Variants in FMNL3 observed in about 807,000 individuals in gnomAD.
FMNL3 encodes the protein formin-like protein 3.
FMNL3 carries 57 observed loss-of-function variants against 119.6 expected under a neutral mutation model. The ratio of observed to expected loss-of-function variants is 0.48; its 90% CI spans 0.39 to 0.59. The LOEUF is 0.59. Among genes scored for constraint, FMNL3 ranks in the 20% least tolerant of loss-of-function variants. FMNL3 has a pLI of 0.00. For missense variants in FMNL3, 1,053 were observed against 1,323.5 expected (o/e 0.80, Z 3.17); for synonymous variants, 491 against 507.3 (o/e 0.97, Z 0.43).
intron 1 of FMNL3, among the ~76,000 whole-genome samples, chr12:49,705,181 G>A (rs1945014624): frequency 6.6e-6 from 1 of 152,134 alleles, no homozygotes; most frequent in Non-Finnish European, 1.5e-5. Flanking sequence ...TTCATCAGCA[G>A]CAGCTCAGGC....
chr12:49,654,981 A>C lies in FMNL3; in HGVS notation c.889T>G (p.Cys297Gly). The part of the protein sequence containing the change: ...LAAFDNFKEV[C>G]KELHRFEKLM... ...TTCTCAAAGCGGTGCAGCTCCTTGC[A>C]TACCTGAATGAGCAAACTTTCTCAG... is the stretch of plus-strand genomic sequence containing the variant. Residue 297 changes from cysteine (C) to glycine (G), a missense_variant, in exon 10 of 26, where the codon TGC becomes GGC. Physicochemically the swap from Cys to Gly is radical, Grantham distance 159. Around this residue, in one of 4 missense-constraint regions of FMNL3, gnomAD observed 445 missense variants for 628.4 expected, o/e 0.71. Transcript: ENST00000335154. The C allele has an allele frequency of 6.2e-7, 1 of 1,613,998 alleles. No individual in the cohort carries two copies. Among genetic ancestry groups the C allele is most frequent in the Admixed American group, 1.7e-5 (1 of 60,018 alleles).
chr12:49,651,860 G>A, intron 14 of FMNL3, 73 bp downstream of exon 14: 1 of 1,462,178 alleles, frequency 6.8e-7, no homozygotes, highest in Non-Finnish European at 9.1e-7. Flanking sequence ...CCCTGAGGAA[G>A]ACACTGCTGA....
At position 49,647,232 on chromosome 12, in the gene FMNL3, T is replaced by G; in HGVS notation, c.2871+44A>C. On this transcript the variant is annotated intron_variant, in intron 24 of 25. Transcript: ENST00000335154. This position sits in a 1 kb window ranked among gnomAD's most constrained non-coding sequence, Gnocchi z 4.9. ...CCTTCTGACCCCCAGCCCCCACTCT[T>G]TTGCCTTGTCGTCCTCCAGGCCCCA... 1 of 1,608,616 alleles carries G rather than the reference T, an allele frequency of 6.2e-7. No individual in the cohort carries two copies. The highest frequency in any genetic ancestry group is 1.1e-5 in the South Asian group (1 of 90,936).
rs747084955 is a variant in FMNL3 at position 49,653,280 on chromosome 12, C to T, written c.1269G>A (p.Val423=). 4 of 1,614,008 alleles carry T rather than the reference C, an allele frequency of 2.5e-6. No individual in the cohort carries two copies. The African/African-American group carries it at 4.0e-5, about 16-fold the overall frequency. Residue 423 remains valine (V), a synonymous_variant, in exon 13 of 26, where the codon GTG becomes GTA. Transcript: ENST00000335154. ...LDLENENMMR[V]AELEKQLLQR... ...GTAGCAGCTGCTTCTCTAGTTCTGC[C>T]ACCCGCATCATGTTTTCATTCTCTA... is the stretch of plus-strand genomic sequence containing the variant.
chr12:49,672,684 C>T (rs1944078332), intron 1 of FMNL3, among the ~76,000 whole-genome samples: 1 of 152,220 alleles, frequency 6.6e-6, no homozygotes, highest in Admixed American at 6.5e-5. Context: ...TTCCCTTTCC[C>T]ACTCTGCACC....
intron 12 of FMNL3, 137 bp downstream of exon 12, chr12:49,653,588 A>T: frequency 7.9e-7 from 1 of 1,268,288 alleles, no homozygotes; most frequent in Non-Finnish European, 1.1e-6. Context: ...CTCAGGCCTG[A>T]GTATGCTCTT....
chr12:49,641,493 C>G lies in FMNL3; in HGVS notation c.*4322G>C, dbSNP rs1942642739. 1 of 179,940 alleles carries G rather than the reference C, an allele frequency of 5.6e-6. No individual in the cohort carries two copies. Among genetic ancestry groups the G allele is most frequent in the East Asian group, 1.5e-4 (1 of 6,830 alleles). 11.1% of individuals were successfully genotyped at this position (179,940 alleles called of 1,614,324 possible). On this transcript the variant is annotated 3_prime_UTR_variant, in exon 26 of 26. Coordinates refer to ENST00000335154, the MANE Select transcript of FMNL3 (RefSeq NM_175736.5). ...ATGAGATAATGTGTGAAACACTCAT[C>G]ATGGTACCTGGTACATAGTAAGCAC...
In FMNL3 at chr12:49,637,643, C is replaced by T; in HGVS notation, c.*8172G>A. ...GCTTCCTGCCCTGCCAGCCTCTCTG[C>T]ACCCCCTACTACCGGCTCCTGTCCT... On this transcript the variant is annotated 3_prime_UTR_variant, in exon 26 of 26. Transcript: ENST00000335154. 2.5e-6 allele frequency: 4 copies of T among 1,571,318 alleles called. No homozygotes were observed. The highest frequency in any genetic ancestry group is 3.5e-6 in the Non-Finnish European group (4 of 1,144,434).
intron 1 of FMNL3, among the ~76,000 whole-genome samples, chr12:49,680,679 C>T (rs1399870709): frequency 6.6e-6 from 1 of 152,184 alleles, no homozygotes; most frequent in Non-Finnish European, 1.5e-5. Flanking sequence ...TCCCCACGAC[C>T]CAAATCTTCT....
At chr12:49,677,823 A>T (rs913780177) in intron 1 of FMNL3, among the ~76,000 whole-genome samples, 2 of 152,208 alleles carry the variant, frequency 1.3e-5, no homozygotes, top group African/African-American at 4.8e-5. Flanking sequence ...GGAGTCAAGT[A>T]AGGTGTAAGA....
At chr12:49,651,073 C>A in intron 16 of FMNL3, 95 bp downstream of exon 16, 2 of 1,563,502 alleles carry the variant, frequency 1.3e-6, no homozygotes, top group Non-Finnish European at 1.7e-6. Context: ...CTGGCCTCAC[C>A]CTGTCTGATG....
chr12:49,646,793 G>T (rs770947341), intron 25 of FMNL3, 93 bp downstream of exon 25: 2 of 1,606,148 alleles, frequency 1.2e-6, no homozygotes, highest in East Asian at 2.2e-5. Flanking sequence ...AGGCCTCATG[G>T]GGGGTGGGGT....
chr12:49,641,676 A>G lies in FMNL3; in HGVS notation c.*4139T>C. On this transcript the variant is annotated 3_prime_UTR_variant, in exon 26 of 26. Coordinates refer to ENST00000335154, the MANE Select transcript of FMNL3 (RefSeq NM_175736.5). ...CTCAGCATTAATCAGCAGTTGGGAG[A>G]CATCTCCCAACCCCTTCAGCTCTGT... 1 of 520,164 alleles carries G rather than the reference A, an allele frequency of 1.9e-6. No individual in the cohort carries two copies. The highest frequency in any genetic ancestry group is 3.4e-6 in the Non-Finnish European group (1 of 293,698). The allele number at this position is 520,164 out of a possible 1,614,324, so 32.2% of individuals were successfully genotyped here. A position where few individuals can be genotyped will look rare whatever the true frequency, so the allele number is the denominator to read the frequency against.
chr12:49,651,016 C>G, intron 16 of FMNL3, 138 bp from the exon 17 acceptor site: 3 of 1,459,646 alleles, frequency 2.1e-6, no homozygotes, highest in Non-Finnish European at 1.9e-6. Flanking sequence ...GTTGACACAA[C>G]TAGAAATATA....
chr12:49,650,092 G>A (rs778488567), intron 17 of FMNL3, among the ~76,000 whole-genome samples, 167 bp from the exon 18 acceptor site: 7 of 152,094 alleles, frequency 4.6e-5, no homozygotes, highest in East Asian at 1.9e-4. Flanking sequence ...CAATGATCCC[G>A]GGGGAACACT....
chr12:49,680,395 C>T (rs1424725345), intron 1 of FMNL3, among the ~76,000 whole-genome samples: 1 of 152,218 alleles, frequency 6.6e-6, no homozygotes, highest in African/African-American at 2.4e-5. Context: ...ACAAGTCCTG[C>T]CTTTCCTTGC....
rs576481574 is a variant in FMNL3, at chr12:49,666,275, G to C, written c.211-68C>G. 1,154 of 1,395,048 alleles carry C rather than the reference G, an allele frequency of 8.3e-4. 24 individuals carry two copies. In the South Asian group the frequency reaches 0.014, roughly 16 times the overall value. 86.4% of individuals were successfully genotyped at this position (1,395,048 alleles called of 1,614,324 possible). A position where few individuals can be genotyped will look rare whatever the true frequency, so the allele number is the denominator to read the frequency against. On this transcript the variant is annotated intron_variant, in intron 2 of 25. Transcript: ENST00000335154. ...GAGACCTGAGGAGGGCACTGAGGAA[G>C]AAGAGCATTCATAGTGTTCAGTGTG...
intron 12 of FMNL3, 86 bp from the exon 13 acceptor site, chr12:49,653,413 G>T: frequency 7.2e-7 from 1 of 1,384,134 alleles, no homozygotes; most frequent in Non-Finnish European, 1.0e-6. Context: ...ACCTGAGTCG[G>T]ACCCCTCAAC....
chr12:49,699,572 G>C (rs768529143), intron 1 of FMNL3, among the ~76,000 whole-genome samples: 2 of 152,136 alleles, frequency 1.3e-5, no homozygotes, highest in Non-Finnish European at 2.9e-5. Context: ...AGAAAGTAAC[G>C]GGCAGGAAGC....
Sources: allele counts gnomAD v4.1 joint callset (sites outside exome capture counted in the v4.1 genomes callset), GRCh38; gene constraint gnomAD v4.1.1; regional missense constraint gnomAD v4.1.1; non-coding constraint Gnocchi (gnomAD v3.1); transcripts MANE v1.5; gene names NCBI Gene and HGNC (gene_info 2026-07-23, HGNC 2026-07-21).